PTPRE: variants seen among roughly 807,000 people sequenced by gnomAD.
PTPRE encodes the protein protein tyrosine phosphatase receptor type E, also known as receptor-type tyrosine-protein phosphatase epsilon.
In PTPRE, 51 loss-of-function variants were observed where a neutral mutation model predicts 102.0. The observed-to-expected ratio is 0.50, with a 90% CI of 0.40 to 0.63. The LOEUF (loss-of-function observed/expected upper bound fraction) is 0.63. PTPRE is among the 30% of genes least tolerant of loss of function. The probability of loss-of-function intolerance (pLI) is 0.00; values close to 1 mark genes in which losing one functional copy is unlikely to be tolerated. For missense variants in PTPRE, 752 were observed against 915.1 expected (o/e 0.82, Z 2.30); for synonymous variants, 345 against 348.2 (o/e 0.99, Z 0.10).
At position 127,982,257 on chromosome 10, in the gene PTPRE, TC is replaced by T; in HGVS notation, c.-30-16del. 7.9e-7 allele frequency: 1 copy of T among 1,259,288 alleles called. No homozygotes were observed. The highest frequency in any genetic ancestry group is 1.0e-6 in the Non-Finnish European group (1 of 970,344). 78.0% of individuals were successfully genotyped at this position (1,259,288 alleles called of 1,614,324 possible). A position where few individuals can be genotyped will look rare whatever the true frequency, so the allele number is the denominator to read the frequency against. On this transcript the variant is annotated splice_polypyrimidine_tract_variant and intron_variant, in intron 1 of 20. Coordinates refer to ENST00000254667, the MANE Select transcript of PTPRE (RefSeq NM_006504.6). ...TTAACCAGAAAACTGACTTTTTTTT[TC>T]TTCTTTCTTCTTCAGACTATAGCCT...
intron 11 of PTPRE, 77 bp downstream of exon 11, chr10:128,066,271 C>A: frequency 6.4e-7 from 1 of 1,572,266 alleles, no homozygotes; most frequent in South Asian, 1.2e-5. Flanking sequence ...CATCCTTCTG[C>A]ATTTATGAAG....
intron 1 of PTPRE, among the ~76,000 whole-genome samples, chr10:127,943,860 C>T (rs539701820): frequency 2.6e-5 from 4 of 152,260 alleles, no homozygotes; most frequent in Admixed American, 2.6e-4. Context: ...CTGGAATGAC[C>T]GTGCCCACTG....
At chr10:128,014,936 T>C (rs1431833570) in intron 2 of PTPRE, among the ~76,000 whole-genome samples, 1 of 152,114 alleles carries the variant, frequency 6.6e-6, no homozygotes, top group Non-Finnish European at 1.5e-5. Context: ...CTCTGCAAGC[T>C]CAGGGACCAG....
intron 20 of PTPRE, among the ~76,000 whole-genome samples, chr10:128,080,929 T>A (rs1228420513): frequency 6.6e-6 from 1 of 152,178 alleles, no homozygotes; most frequent in Non-Finnish European, 1.5e-5. Context: ...CTTACAGATG[T>A]CTTTCTCATT....
chr10:127,940,800 C>T (rs142074160), intron 1 of PTPRE, among the ~76,000 whole-genome samples: 2,306 of 152,324 alleles, frequency 0.015, 29 homozygotes, highest in Middle Eastern at 0.024. Context: ...TACACCATTG[C>T]ACCCAGCTGC....
chr10:128,073,234 G>A (rs1850937547), intron 16 of PTPRE, 103 bp from the exon 17 acceptor site: 1 of 1,486,838 alleles, frequency 6.7e-7, no homozygotes, highest in African/African-American at 1.4e-5. Context: ...GAGGATGAGA[G>A]AGTTTTCCTC....
intron 2 of PTPRE, among the ~76,000 whole-genome samples, chr10:127,993,167 C>T (rs1483250441): frequency 6.6e-6 from 1 of 152,130 alleles, no homozygotes; most frequent in African/African-American, 2.4e-5. Flanking sequence ...GTCACAGCAA[C>T]CCAGGGGCTC....
chr10:127,955,018 C>T (rs35570203), intron 1 of PTPRE, among the ~76,000 whole-genome samples: 22,678 of 151,558 alleles, frequency 0.15, 1,662 homozygotes, highest in East Asian at 0.22. Context: ...CAGGGAGTTA[C>T]GGTGTTGGCT....
intron 1 of PTPRE, among the ~76,000 whole-genome samples, chr10:127,945,610 G>T (rs1848568846): frequency 6.6e-6 from 1 of 152,232 alleles, no homozygotes; most frequent in Non-Finnish European, 1.5e-5. Flanking sequence ...TCTCAGGGAA[G>T]TAGGTCATAT....
chr10:128,031,952 C>T (rs11598155), intron 2 of PTPRE, among the ~76,000 whole-genome samples: 67,191 of 151,374 alleles, frequency 0.44, 15,408 homozygotes, highest in East Asian at 0.62. Flanking sequence ...TTTCTGCTTG[C>T]TATCCCTGTG....
intron 6 of PTPRE, among the ~76,000 whole-genome samples, 161 bp from the exon 7 acceptor site, chr10:128,055,962 C>G (rs1848927322): frequency 6.6e-6 from 1 of 152,250 alleles, no homozygotes; most frequent in Non-Finnish European, 1.5e-5. Context: ...CCTTCATTCT[C>G]TGCCCCATGC....
chr10:128,025,573 C>A (rs1330720537), intron 2 of PTPRE, among the ~76,000 whole-genome samples: 1 of 152,210 alleles, frequency 6.6e-6, no homozygotes, highest in East Asian at 1.9e-4. Context: ...CCTGTGCCCC[C>A]ATCCTGAGCT....
At chr10:127,983,493 T>C (rs1464175087) in intron 2 of PTPRE, among the ~76,000 whole-genome samples, 1 of 152,170 alleles carries the variant, frequency 6.6e-6, no homozygotes, top group Non-Finnish European at 1.5e-5. Context: ...AAATCTACAA[T>C]CCCTGATAGC....
chr10:128,003,569 AT>A (rs1190920384), intron 2 of PTPRE, among the ~76,000 whole-genome samples: 1 of 152,202 alleles, frequency 6.6e-6, no homozygotes, highest in Admixed American at 6.5e-5. Flanking sequence ...GTGTGAAATA[AT>A]CCTGAATAGC....
chr10:127,965,392 G>A (rs544049323), intron 1 of PTPRE, among the ~76,000 whole-genome samples: 1 of 151,730 alleles, frequency 6.6e-6, no homozygotes, highest in African/African-American at 2.4e-5. Flanking sequence ...AAAAAAGCCT[G>A]GATCCCATAT....
rs1850828385 is a variant in PTPRE at position 128,072,174 on chromosome 10, G to A, written c.1424G>A (p.Gly475Asp). 6.2e-7 allele frequency: 1 copy of A among 1,613,922 alleles called. No individual in the cohort carries two copies. Among genetic ancestry groups the A allele is most frequent in the Non-Finnish European group, 8.5e-7 (1 of 1,179,982 alleles). ...CGAGTGATCCTTTCCATGAAAAGGG[G>A]TCAAGAATACACAGACTACATCAAC... ...FNRVILSMKR[G>D]QEYTDYINAS... is the part of the protein sequence containing the mutation. Residue 475 changes from glycine (G) to aspartate (D), a missense_variant, in exon 16 of 21, where the codon GGT becomes GAT. Physicochemically the swap from Gly to Asp is moderately conservative, Grantham distance 94. Around this residue, in one of 2 missense-constraint regions of PTPRE, gnomAD observed 636 missense variants for 824.4 expected, o/e 0.77. Transcript: ENST00000254667.
At chr10:128,040,796 C>T (rs1289962349) in intron 2 of PTPRE, 79 bp from the exon 3 acceptor site, 21 of 1,106,642 alleles carry the variant, frequency 1.9e-5, no homozygotes, top group Non-Finnish European at 1.4e-6. Context: ...GGCTCTTCTC[C>T]TCATCATCAC....
chr10:127,971,705 G>A (rs1850754326), intron 1 of PTPRE, among the ~76,000 whole-genome samples: 1 of 152,212 alleles, frequency 6.6e-6, no homozygotes, highest in Non-Finnish European at 1.5e-5. Context: ...TAGTTTAAAC[G>A]GAAGGAGGTT....
Position 128,047,660 on chromosome 10 carries a change from G to A in PTPRE, c.210-104G>A, listed in dbSNP as rs41282856. On this transcript the variant is annotated intron_variant, in intron 4 of 20. Transcript: ENST00000254667. ...AGCGCGGCTCAGCCATGAGCAACAG[G>A]AGTAGCTTTTCCCGGCTCACCTGGT... 7.4e-3 allele frequency: 11,917 copies of A among 1,614,180 alleles called. 67 individuals carry two copies. The highest frequency in any genetic ancestry group is 8.2e-3 in the Non-Finnish European group (9,709 of 1,180,024).
Sources: gnomAD v4.1 joint callset for allele counts (sites outside exome capture counted in the v4.1 genomes callset) on GRCh38, gnomAD v4.1.1 for gene constraint, gnomAD v4.1.1 regional missense constraint, MANE v1.5 for transcripts, NCBI Gene and HGNC (gene_info 2026-07-23, HGNC 2026-07-21) for gene names.